Variants in SLC35F4 observed in about 807,000 individuals in gnomAD.
SLC35F4 encodes the protein solute carrier family 35 member F4, also known as chromosome 14 open reading frame 36.
A neutral mutation model predicts 44.2 loss-of-function variants in SLC35F4; 24 were observed. That is an observed-to-expected ratio of 0.54 (90% CI 0.39 to 0.76). SLC35F4 has a LOEUF of 0.76. SLC35F4 is among the 30% of genes least tolerant of loss of function. SLC35F4 has a pLI of 0.00. For missense variants in SLC35F4, 562 were observed against 586.1 expected (o/e 0.96, Z 0.42); for synonymous variants, 238 against 223.6 (o/e 1.06, Z -0.57).
chr14:57,653,944 T>C (rs2073873924), intron 1 of SLC35F4, among the ~76,000 whole-genome samples: 2 of 152,158 alleles, frequency 1.3e-5, no homozygotes. Context: ...TCCATGCTGC[T>C]CCCCTAGCTT....
chr14:57,948,265 T>C lies in SLC35F4; in HGVS notation n.282+33648A>G, dbSNP rs113659366. On this transcript the variant is annotated intron_variant and non_coding_transcript_variant, in intron 1 of 1. Coordinates refer to the SLC35F4 transcript ENST00000556568. ...TTCTTCCTGATTTAATCTAGAAGGA[T>C]TGTATATTTCCAGGAATTTTTCCAT... Among the ~76,000 whole-genome samples, 810 of 152,244 alleles carry C rather than the reference T, an allele frequency of 5.3e-3. 5 individuals carry two copies. Among genetic ancestry groups the C allele is most frequent in the African/African-American group, 0.018 (761 of 41,558 alleles).
chr14:57,962,964 T>A (rs537310970), intron 1 of SLC35F4, among the ~76,000 whole-genome samples: 8 of 150,422 alleles, frequency 5.3e-5, no homozygotes, highest in African/African-American at 2.0e-4. Context: ...CTCCACTAAA[T>A]AGGGGGGAAA....
At chr14:57,883,002 A>AGAG (rs937095754) in intron 1 of SLC35F4, among the ~76,000 whole-genome samples, 228 of 144,126 alleles carry the variant, frequency 1.6e-3, no homozygotes, top group African/African-American at 5.3e-3. Context: ...ATAAGGGGAG[A>AGAG]GAGGAGGAGG....
At chr14:57,841,176 T>C (rs1885445165) in intron 1 of SLC35F4, among the ~76,000 whole-genome samples, 1 of 152,126 alleles carries the variant, frequency 6.6e-6, no homozygotes, top group Admixed American at 6.5e-5. Context: ...GGCTAATACC[T>C]GGACACCAAT....
At chr14:57,667,538 C>A (rs1183765432) in intron 1 of SLC35F4, among the ~76,000 whole-genome samples, 1 of 147,758 alleles carries the variant, frequency 6.8e-6, no homozygotes, top group East Asian at 2.0e-4. Flanking sequence ...CCTGTGTCCA[C>A]ATGTTCTCAA....
intron 1 of SLC35F4, among the ~76,000 whole-genome samples, chr14:57,951,951 C>T (rs1248259984): frequency 6.6e-6 from 1 of 152,194 alleles, no homozygotes; most frequent in Non-Finnish European, 1.5e-5. Context: ...GACAGACTGC[C>T]TCCTCAAGTG....
intron 1 of SLC35F4, among the ~76,000 whole-genome samples, chr14:57,910,543 T>A (rs1310846122): frequency 6.6e-6 from 1 of 152,092 alleles, no homozygotes; most frequent in Non-Finnish European, 1.5e-5. Context: ...CTAGAATCTT[T>A]TGTTGCGAAG....
chr14:57,971,015 A>G (rs906871080), intron 1 of SLC35F4, among the ~76,000 whole-genome samples: 1 of 152,140 alleles, frequency 6.6e-6, no homozygotes, highest in African/African-American at 2.4e-5. Flanking sequence ...TTATGTGTTA[A>G]TTGATGGTCC....
At chr14:57,576,452 A>T (rs1165829909) in intron 4 of SLC35F4, among the ~76,000 whole-genome samples, 1 of 152,188 alleles carries the variant, frequency 6.6e-6, no homozygotes, top group African/African-American at 2.4e-5. Context: ...GACACACATT[A>T]ATAGTTTGAC....
At chr14:57,783,338 T>C (rs944320101) in intron 1 of SLC35F4, among the ~76,000 whole-genome samples, 9 of 151,750 alleles carry the variant, frequency 5.9e-5, no homozygotes, top group East Asian at 1.9e-4. Context: ...AAGAAAATTA[T>C]TGAAGAAAAA....
At chr14:57,626,584 A>G (rs563375490) in intron 1 of SLC35F4, among the ~76,000 whole-genome samples, 94 of 152,278 alleles carry the variant, frequency 6.2e-4, no homozygotes, top group African/African-American at 2.2e-3. Flanking sequence ...CATAACTTAA[A>G]TTGCACACTC....
At chr14:57,753,404 C>A (rs1225161527) in intron 1 of SLC35F4, among the ~76,000 whole-genome samples, 1 of 152,096 alleles carries the variant, frequency 6.6e-6, no homozygotes, top group Non-Finnish European at 1.5e-5. Flanking sequence ...TTCCCTGAGC[C>A]TTTACAGGGA....
chr14:57,802,391 A>G (rs1198950096), intron 1 of SLC35F4, among the ~76,000 whole-genome samples: 5 of 151,642 alleles, frequency 3.3e-5, no homozygotes, highest in Admixed American at 1.3e-4. Context: ...GATCTCAACA[A>G]CCTAACATCT....
chr14:57,756,986 G>A (rs2077009948), intron 1 of SLC35F4, among the ~76,000 whole-genome samples: 1 of 151,970 alleles, frequency 6.6e-6, no homozygotes, highest in Admixed American at 6.6e-5. Flanking sequence ...ATTTAGAAAG[G>A]GATACTAAAA....
intron 1 of SLC35F4, among the ~76,000 whole-genome samples, chr14:57,824,525 G>T (rs1228947295): frequency 6.6e-6 from 1 of 152,202 alleles, no homozygotes; most frequent in Non-Finnish European, 1.5e-5. Flanking sequence ...GTTTGATGAT[G>T]ACAAATGCTT....
chr14:57,775,073 C>T (rs2077455795), intron 1 of SLC35F4, among the ~76,000 whole-genome samples: 2 of 152,212 alleles, frequency 1.3e-5, no homozygotes, highest in South Asian at 2.1e-4. Context: ...AACAGTGGAC[C>T]CAACGACCTC....
chr14:57,888,576 G>A (rs183238306), intron 1 of SLC35F4, among the ~76,000 whole-genome samples: 2 of 152,218 alleles, frequency 1.3e-5, no homozygotes, highest in East Asian at 3.9e-4. Flanking sequence ...ACGACCAGTT[G>A]TTGCTATTAC....
At chr14:57,918,584 T>A (rs1181156083) in intron 1 of SLC35F4, among the ~76,000 whole-genome samples, 1 of 152,176 alleles carries the variant, frequency 6.6e-6, no homozygotes, top group Non-Finnish European at 1.5e-5. Flanking sequence ...ATTTACCATC[T>A]CAAAGCCAAA....
chr14:57,607,784 G>T (rs370726637), intron 1 of SLC35F4, among the ~76,000 whole-genome samples: 1 of 152,194 alleles, frequency 6.6e-6, no homozygotes. Context: ...GGATGTCTAG[G>T]GGACAGATTA....
Sources: gnomAD v4.1 joint callset for allele counts (sites outside exome capture counted in the v4.1 genomes callset) on GRCh38, gnomAD v4.1.1 for gene constraint, MANE v1.5 for transcripts, NCBI Gene and HGNC (gene_info 2026-07-23, HGNC 2026-07-21) for gene names.